Variants in CHEK2 observed in about 807,000 individuals in gnomAD.
CHEK2 encodes the protein serine/threonine-protein kinase Chk2.
In CHEK2, 71 loss-of-function variants were observed where a neutral mutation model predicts 69.1. The observed-to-expected ratio is 1.03, with a 90% CI of 0.85 to 1.25. CHEK2 has a LOEUF of 1.25. CHEK2 is among the 50% of genes most tolerant of loss of function. CHEK2 has a pLI of 0.00. For missense variants in CHEK2, 664 were observed against 649.6 expected (o/e 1.02, Z -0.24); for synonymous variants, 189 against 226.9 (o/e 0.83, Z 1.50).
Position 28,730,317 on chromosome 22 carries a change from A to G in CHEK2, c.319+4086T>C, listed in dbSNP as rs1432167897. ...AGGAAAGCGGAAGGGAAAGGAAAGC[A>G]GAAGGGAAAGGAAAGGAAAGGAAAA... On this transcript the variant is annotated intron_variant, in intron 2 of 14. Coordinates refer to ENST00000404276, the MANE Select transcript of CHEK2 (RefSeq NM_007194.4). 3 of 421,986 alleles carry G rather than the reference A, an allele frequency of 7.1e-6. No individual in the cohort carries two copies. The African/African-American group carries it at 7.3e-5, about 10-fold the overall frequency. 26.1% of individuals were successfully genotyped at this position (421,986 alleles called of 1,614,324 possible). A position where few individuals can be genotyped will look rare whatever the true frequency, so the allele number is the denominator to read the frequency against.
chr22:28,736,756 A>C (rs1465814113), intron 1 of CHEK2, among the ~76,000 whole-genome samples: 2 of 150,374 alleles, frequency 1.3e-5, no homozygotes, highest in Non-Finnish European at 3.0e-5. Flanking sequence ...CCTGGCCAAC[A>C]TAGTGGGACC....
chr22:28,688,848 A>G (rs2052228041), intron 14 of CHEK2, among the ~76,000 whole-genome samples: 1 of 152,254 alleles, frequency 6.6e-6, no homozygotes, highest in Non-Finnish European at 1.5e-5. Flanking sequence ...CAACAAATTT[A>G]TATTTGAGCC....
chr22:28,713,445 C>T (rs528963819), intron 5 of CHEK2, among the ~76,000 whole-genome samples: 3 of 148,094 alleles, frequency 2.0e-5, no homozygotes, highest in Non-Finnish European at 3.0e-5. Flanking sequence ...CCGCAAGCTC[C>T]GCCTCCCGGG....
At chr22:28,712,496 TAA>T in intron 5 of CHEK2, among the ~76,000 whole-genome samples, 1 of 152,202 alleles carries the variant, frequency 6.6e-6, no homozygotes, top group East Asian at 1.9e-4. Context: ...GTTGATGACA[TAA>T]GTTGCACCCT....
intron 9 of CHEK2, 82 bp downstream of exon 9, chr22:28,699,756 G>A (rs1214809565): frequency 1.0e-5 from 10 of 968,872 alleles, no homozygotes; most frequent in Middle Eastern, 4.1e-4. Flanking sequence ...TTTAATCCAC[G>A]GTCCCTCGAT....
chr22:28,703,481 A>G (rs1222597818), intron 8 of CHEK2, 24 bp downstream of exon 8: 1 of 1,223,490 alleles, frequency 8.2e-7, no homozygotes, highest in East Asian at 2.4e-5. Flanking sequence ...GGAAACAGAA[A>G]TTTTTAAAAA....
At position 28,729,706 on chromosome 22, in the gene CHEK2, G is replaced by A. The variant is rs561664770; in HGVS notation, c.320-4339C>T. On this transcript the variant is annotated intron_variant, in intron 2 of 14. Coordinates refer to ENST00000404276, the MANE Select transcript of CHEK2 (RefSeq NM_007194.4). ...ACCCTTTTATAACAAAAAATACTCA[G>A]AAAACTAGGAATAGGAGTAAACTCC... 5.7e-4 allele frequency among the ~76,000 whole-genome samples: 86 copies of A among 152,076 alleles called. No individual in the cohort carries two copies. In the Middle Eastern group the frequency reaches 0.01, roughly 18 times the overall value.
chr22:28,730,799 G>A (rs561817392), intron 2 of CHEK2, among the ~76,000 whole-genome samples: 4 of 152,092 alleles, frequency 2.6e-5, no homozygotes, highest in South Asian at 2.1e-4. Context: ...AGGAGGTTGC[G>A]GTGAGCCGAG....
intron 1 of CHEK2, among the ~76,000 whole-genome samples, chr22:28,740,178 T>A (rs1274946751): frequency 6.6e-6 from 1 of 152,162 alleles, no homozygotes; most frequent in Non-Finnish European, 1.5e-5. Context: ...TCCAGCCTGG[T>A]GACAAAGCGA....
chr22:28,722,403 A>AAG (rs1281254496), intron 4 of CHEK2, among the ~76,000 whole-genome samples: 5 of 151,814 alleles, frequency 3.3e-5, no homozygotes, highest in African/African-American at 1.2e-4. Flanking sequence ...AGCCGGGCGC[A>AAG]GTGGCGGGCG....
chr22:28,740,246 G>A (rs12484241), intron 1 of CHEK2, among the ~76,000 whole-genome samples: 8 of 152,148 alleles, frequency 5.3e-5, no homozygotes, highest in Admixed American at 3.9e-4. Flanking sequence ...ATATGTACAC[G>A]CTTTTGTTAT....
intron 5 of CHEK2, among the ~76,000 whole-genome samples, chr22:28,715,225 A>C (rs2053548416): frequency 6.6e-6 from 1 of 152,108 alleles, no homozygotes; most frequent in Non-Finnish European, 1.5e-5. Flanking sequence ...ACAATTCTAT[A>C]GGAAGCCAAC....
At chr22:28,738,677 A>G (rs1043227518) in intron 1 of CHEK2, among the ~76,000 whole-genome samples, 1 of 152,146 alleles carries the variant, frequency 6.6e-6, no homozygotes, top group Admixed American at 6.6e-5. Context: ...AAACCTATAA[A>G]ACTACTAGAA....
chr22:28,737,545 T>C (rs1374208921), intron 1 of CHEK2, among the ~76,000 whole-genome samples: 2 of 151,572 alleles, frequency 1.3e-5, no homozygotes, highest in Non-Finnish European at 2.9e-5. Flanking sequence ...TTTTGGCTCA[T>C]TGCAACCTCC....
intron 5 of CHEK2, among the ~76,000 whole-genome samples, chr22:28,718,812 G>A (rs1408326135): frequency 6.6e-6 from 1 of 151,882 alleles, no homozygotes; most frequent in East Asian, 1.9e-4. Flanking sequence ...AGCCCTGGAA[G>A]TGGAGGTTGC....
rs1349679106 is a variant in CHEK2, at chr22:28,696,368, C to CTCAT, written c.1096-499_1096-496dup. On this transcript the variant is annotated intron_variant, in intron 10 of 14. Transcript: ENST00000404276. ...CAGGGAAAGGCAGCGCATGTGATTA[C>CTCAT]TCATTCATTCATTCACCTATTCTGA... 3.9e-5 allele frequency among the ~76,000 whole-genome samples: 6 copies of CTCAT among 152,188 alleles called. No homozygotes were observed. In the South Asian group the frequency reaches 1.0e-3, roughly 26 times the overall value.
chr22:28,702,474 G>C (rs1415007720), intron 8 of CHEK2, among the ~76,000 whole-genome samples: 1 of 150,258 alleles, frequency 6.7e-6, no homozygotes, highest in Admixed American at 6.7e-5. Context: ...TCCTGACCTT[G>C]TGATCCGCCC....
intron 5 of CHEK2, among the ~76,000 whole-genome samples, chr22:28,713,292 GA>G (rs2053469958): frequency 6.6e-6 from 1 of 151,090 alleles, no homozygotes; most frequent in African/African-American, 2.4e-5. Context: ...AGCAACAAAA[GA>G]AAAACAATAG....
intron 7 of CHEK2, among the ~76,000 whole-genome samples, chr22:28,709,195 A>G (rs986176013): frequency 6.6e-6 from 1 of 152,144 alleles, no homozygotes; most frequent in African/African-American, 2.4e-5. Flanking sequence ...ATTGAGACAT[A>G]GTCATCATTG....
Sources: allele counts gnomAD v4.1 joint callset (sites outside exome capture counted in the v4.1 genomes callset), GRCh38; gene constraint gnomAD v4.1.1; transcripts MANE v1.5; gene names NCBI Gene and HGNC (gene_info 2026-07-23, HGNC 2026-07-21).